The following FRMD4A variants were observed in gnomAD, a reference collection of about 807,000 sequenced individuals.
FRMD4A encodes the protein FERM domain containing 4A, also known as FERM domain-containing protein 4A.
A neutral mutation model predicts 129.1 loss-of-function variants in FRMD4A; 29 were observed. That is an observed-to-expected ratio of 0.22 (90% CI 0.17 to 0.31). FRMD4A has a LOEUF of 0.31. FRMD4A is among the 10% of genes least tolerant of loss of function. The pLI is 1.00. For synonymous variants in FRMD4A, 634 were observed against 571.6 expected, an observed-to-expected ratio of 1.11 and a Z score of -1.56; for missense variants, 1,272 against 1,375.8, an observed-to-expected ratio of 0.92 and a Z score of 1.19.
chr10:13,714,059 T>TATATATATATATATATATAAAA (rs1207471495), intron 12 of FRMD4A, among the ~76,000 whole-genome samples: 1 of 101,324 alleles, frequency 9.9e-6, no homozygotes. Flanking sequence ...TATATATATA[T>TATATATATATATATATATAAAA]AAAATATACT....
chr10:14,254,802 A>G (rs1485004817), intron 2 of FRMD4A, among the ~76,000 whole-genome samples: 1 of 152,064 alleles, frequency 6.6e-6, no homozygotes, highest in Non-Finnish European at 1.5e-5. Context: ...AAATCGAAAA[A>G]AAATAATAGC....
At chr10:14,220,650 G>A (rs973136316) in intron 2 of FRMD4A, among the ~76,000 whole-genome samples, 24 of 152,106 alleles carry the variant, frequency 1.6e-4, no homozygotes, top group Admixed American at 6.6e-5. Context: ...TCTTAAATTC[G>A]CTGACCTCAG....
At chr10:14,290,589 T>A (rs1845820345) in intron 2 of FRMD4A, among the ~76,000 whole-genome samples, 3 of 151,970 alleles carry the variant, frequency 2.0e-5, no homozygotes, top group Admixed American at 1.3e-4. Flanking sequence ...AAGTCAAAAT[T>A]GAGAAAAAAC....
At position 13,680,121 on chromosome 10, in the gene FRMD4A, T is replaced by C. The variant is rs1425630638; in HGVS notation, c.1118-5077A>G. On this transcript the variant is annotated intron_variant, in intron 15 of 24. Coordinates refer to ENST00000357447, the MANE Select transcript of FRMD4A (RefSeq NM_018027.5). ...GTGACAGAATGACTCCAGGAAGAAA[T>C]TGAGGCAGGGCAGAGCCTTAGGGCT... Among the ~76,000 whole-genome samples, 6 of 152,242 alleles carry C rather than the reference T, an allele frequency of 3.9e-5. No individual in the cohort carries two copies. The East Asian group carries it at 9.6e-4, about 24-fold the overall frequency.
At chr10:14,135,797 A>G (rs1302154813) in intron 2 of FRMD4A, among the ~76,000 whole-genome samples, 26 of 152,196 alleles carry the variant, frequency 1.7e-4, no homozygotes, top group Admixed American at 1.7e-3. Flanking sequence ...AAAGTGCTTT[A>G]TTTTATTTTG....
Position 14,223,997 on chromosome 10 carries a change from G to T in FRMD4A, c.45+106061C>A, listed in dbSNP as rs189702603. Among the ~76,000 whole-genome samples the T allele has an allele frequency of 1.6e-3, 239 of 152,252 alleles. 1 individual carries two copies. Among genetic ancestry groups the T allele is most frequent in the African/African-American group, 5.6e-3 (232 of 41,550 alleles). ...TATGGATCATCTGCATCGGGAGTTT[G>T]CCCTGCATTCCCTCAAATCACTTCC... is the stretch of plus-strand genomic sequence containing the variant. On this transcript the variant is annotated intron_variant, in intron 2 of 24. Coordinates refer to ENST00000357447, the MANE Select transcript of FRMD4A (RefSeq NM_018027.5).
At chr10:14,228,457 T>G (rs560650212) in intron 2 of FRMD4A, among the ~76,000 whole-genome samples, 21 of 152,368 alleles carry the variant, frequency 1.4e-4, no homozygotes, top group Admixed American at 8.5e-4. Flanking sequence ...TAAGCCAATT[T>G]ACAAATGTTT....
chr10:13,854,391 G>T (rs181535735), intron 3 of FRMD4A, among the ~76,000 whole-genome samples: 1 of 152,202 alleles, frequency 6.6e-6, no homozygotes, highest in African/African-American at 2.4e-5. Flanking sequence ...TGCGATGAGG[G>T]TGGCTCCTCT....
At chr10:13,748,444 A>G (rs2091408398) in intron 8 of FRMD4A, among the ~76,000 whole-genome samples, 1 of 152,126 alleles carries the variant, frequency 6.6e-6, no homozygotes, top group Admixed American at 6.6e-5. Context: ...GCATTTATAT[A>G]CTTACTGGTT....
At chr10:13,730,278 C>T (rs1047655928) in intron 12 of FRMD4A, among the ~76,000 whole-genome samples, 3 of 152,184 alleles carry the variant, frequency 2.0e-5, no homozygotes, top group Admixed American at 6.5e-5. Flanking sequence ...CTTATATCTG[C>T]CCTGTGGGAT....
chr10:14,030,466 G>A (rs891064939), intron 2 of FRMD4A, among the ~76,000 whole-genome samples: 12 of 152,196 alleles, frequency 7.9e-5, no homozygotes, highest in South Asian at 2.1e-4. Context: ...ATGTGTAAGA[G>A]CAACTGATAT....
chr10:13,797,923 A>G (rs1199270332), intron 4 of FRMD4A, among the ~76,000 whole-genome samples: 1 of 89,228 alleles, frequency 1.1e-5, no homozygotes, highest in East Asian at 6.0e-4. Flanking sequence ...CACAAGAAAA[A>G]AAAAAAAAAA....
chr10:13,778,696 G>A (rs1247869870), intron 6 of FRMD4A, among the ~76,000 whole-genome samples: 6 of 151,684 alleles, frequency 4.0e-5, no homozygotes, highest in Admixed American at 3.3e-4. Flanking sequence ...TAAAATCCAG[G>A]CAGCGGTATC....
intron 15 of FRMD4A, among the ~76,000 whole-genome samples, chr10:13,689,423 G>A (rs909943350): frequency 1.3e-5 from 2 of 151,856 alleles, no homozygotes; most frequent in Admixed American, 1.3e-4. Flanking sequence ...AACTTTAAAG[G>A]TCTCATACCA....
At chr10:13,836,350 T>G (rs971747446) in intron 3 of FRMD4A, among the ~76,000 whole-genome samples, 3 of 152,186 alleles carry the variant, frequency 2.0e-5, no homozygotes, top group African/African-American at 7.2e-5. Context: ...TGGAAGAAAC[T>G]CTCATAGCAC....
At chr10:13,850,986 G>A (rs920549950) in intron 3 of FRMD4A, among the ~76,000 whole-genome samples, 12 of 152,158 alleles carry the variant, frequency 7.9e-5, no homozygotes, top group Non-Finnish European at 1.3e-4. Flanking sequence ...AGGCCAAGGC[G>A]GGTGGATCAC....
At chr10:13,804,394 G>A (rs1291632827) in intron 4 of FRMD4A, among the ~76,000 whole-genome samples, 1 of 152,110 alleles carries the variant, frequency 6.6e-6, no homozygotes, top group Admixed American at 6.6e-5. Context: ...CTTTTCAGAG[G>A]CCCCAGCTGA....
intron 2 of FRMD4A, among the ~76,000 whole-genome samples, chr10:14,160,023 C>A (rs150233831): frequency 6.6e-6 from 1 of 152,180 alleles, no homozygotes; most frequent in Non-Finnish European, 1.5e-5. Context: ...GCACTCCAGC[C>A]TGGGCAACAG....
intron 2 of FRMD4A, among the ~76,000 whole-genome samples, chr10:13,880,952 C>T (rs756304645): frequency 6.6e-6 from 1 of 152,050 alleles, no homozygotes; most frequent in Non-Finnish European, 1.5e-5. Flanking sequence ...AGGGGCAAGA[C>T]TTGGTTGGTT....
Sources: allele counts gnomAD v4.1 joint callset (sites outside exome capture counted in the v4.1 genomes callset), GRCh38; gene constraint gnomAD v4.1.1; transcripts MANE v1.5; gene names NCBI Gene and HGNC (gene_info 2026-07-23, HGNC 2026-07-21).